The following COL25A1 variants were observed in gnomAD, a reference collection of about 807,000 sequenced individuals.
COL25A1 encodes collagen type XXV alpha 1 chain.
A neutral mutation model predicts 128.4 loss-of-function variants in COL25A1; 103 were observed. The ratio of observed to expected loss-of-function variants is 0.80; its 90% CI spans 0.68 to 0.94. COL25A1 has a LOEUF of 0.94. COL25A1 is among the 40% of genes least tolerant of loss of function. The pLI is 0.00. For missense variants in COL25A1, 745 were observed against 840.0 expected, an observed-to-expected ratio of 0.89 and a Z score of 1.40; for synonymous variants, 279 against 277.2, an observed-to-expected ratio of 1.01 and a Z score of -0.06.
chr4:108,974,396 GTA>G lies in COL25A1; in HGVS notation c.466-5_466-4del, dbSNP rs1304062187. On this transcript the variant is annotated splice_region_variant and splice_polypyrimidine_tract_variant and intron_variant, in intron 7 of 37. Transcript: ENST00000399132. ...GGTCCCTGATCACCTTGTTCTCCCT[GTA>G]GAATAGAAAGGTGAGATAACAGTTT... is the stretch of plus-strand genomic sequence containing the variant. The G allele has an allele frequency of 1.9e-6, 3 of 1,613,736 alleles. No individual in the cohort carries two copies. The Admixed American group carries it at 5.0e-5, about 27-fold the overall frequency.
Position 108,986,520 on chromosome 4 carries a change from G to T in COL25A1, c.439-11961C>A, listed in dbSNP as rs577787021. On this transcript the variant is annotated intron_variant, in intron 6 of 37. Transcript: ENST00000399132. ...GTTTAAATAAAACAGAGAACATAGG[G>T]GAACAAGTTAAATAATACCAAAAGG... Among the ~76,000 whole-genome samples, 8 of 152,202 alleles carry T rather than the reference G, an allele frequency of 5.3e-5. No individual in the cohort carries two copies. The South Asian group carries it at 1.7e-3, about 32-fold the overall frequency.
rs577179323 is a variant in COL25A1 at position 109,043,226 on chromosome 4, T to A, written c.420+4942A>T. On this transcript the variant is annotated intron_variant, in intron 5 of 37. Coordinates refer to ENST00000399132, the MANE Select transcript of COL25A1 (RefSeq NM_198721.4). The stretch of plus-strand genomic sequence containing the variant: ...CTGCTATAAATTGTAGTTATTAGTA[T>A]ATCAGGAAAAGACACAATTTGACTT... Among the ~76,000 whole-genome samples, 6 of 152,230 alleles carry A rather than the reference T, an allele frequency of 3.9e-5. No individual in the cohort carries two copies. The South Asian group carries it at 8.3e-4, about 21-fold the overall frequency.
intron 5 of COL25A1, among the ~76,000 whole-genome samples, 178 bp from the exon 6 acceptor site, chr4:109,010,553 A>C (rs1228613627): frequency 6.6e-6 from 1 of 152,198 alleles, no homozygotes; most frequent in Non-Finnish European, 1.5e-5. Flanking sequence ...TGCTAGTTTT[A>C]CTTTATGCTA....
chr4:109,243,799 T>C (rs769749688), intron 3 of COL25A1, among the ~76,000 whole-genome samples: 4 of 152,116 alleles, frequency 2.6e-5, no homozygotes, highest in Non-Finnish European at 5.9e-5. Flanking sequence ...TAGATTACCA[T>C]CTTCCTATAG....
At position 109,008,776 on chromosome 4, in the gene COL25A1, C is replaced by T. The variant is rs186292910; in HGVS notation, c.438+1582G>A. 5.8e-3 allele frequency among the ~76,000 whole-genome samples: 882 copies of T among 151,838 alleles called. 8 individuals are homozygous for T. The highest frequency in any genetic ancestry group is 0.02 in the African/African-American group (817 of 41,320). The stretch of plus-strand genomic sequence containing the variant: ...GCGCGCACACACACACACACACACA[C>T]GTAGGATAATAATACTTTCCAAGGC... On this transcript the variant is annotated intron_variant, in intron 6 of 37. Transcript: ENST00000399132.
chr4:109,213,064 C>T lies in COL25A1; in HGVS notation c.367+87519G>A, dbSNP rs1258548028. Among the ~76,000 whole-genome samples the T allele has an allele frequency of 2.6e-5, 4 of 152,036 alleles. No homozygotes were observed. In the East Asian group the frequency reaches 7.7e-4, roughly 29 times the overall value. On this transcript the variant is annotated intron_variant, in intron 3 of 37. Coordinates refer to ENST00000399132, the MANE Select transcript of COL25A1 (RefSeq NM_198721.4). ...AGACATGGGGATGACTTCAAGTGTACCACAAGGGATTCATGCATCAGTATG... is the reference window on the plus strand; with the variant it reads ...AGACATGGGGATGACTTCAAGTGTATCACAAGGGATTCATGCATCAGTATG...
chr4:108,968,718 C>T (rs2125982357), intron 8 of COL25A1, among the ~76,000 whole-genome samples: 1 of 152,272 alleles, frequency 6.6e-6, no homozygotes, highest in South Asian at 2.1e-4. Context: ...TAACAGTTAC[C>T]TCCAGTTATG....
chr4:108,878,165 G>T (rs548978699), intron 19 of COL25A1, among the ~76,000 whole-genome samples: 7 of 151,950 alleles, frequency 4.6e-5, no homozygotes, highest in Admixed American at 2.0e-4. Flanking sequence ...AAAATCTCTG[G>T]TTTTTTCATT....
chr4:108,896,593 A>G (rs1462543017), intron 16 of COL25A1, 74 bp downstream of exon 16: 1 of 1,272,314 alleles, frequency 7.9e-7, no homozygotes, highest in South Asian at 1.2e-5. Context: ...CTCTCTAAAA[A>G]TCCCCCATCT....
intron 3 of COL25A1, among the ~76,000 whole-genome samples, chr4:109,197,800 C>T (rs992019936): frequency 6.6e-6 from 1 of 151,640 alleles, no homozygotes; most frequent in Non-Finnish European, 1.5e-5. Flanking sequence ...TACAGATGGA[C>T]GGTGACTGAT....
rs574252563 is a variant in COL25A1, at chr4:109,268,546, C to T, written c.367+32037G>A. Among the ~76,000 whole-genome samples the T allele has an allele frequency of 2.0e-5, 3 of 152,208 alleles. No individual in the cohort carries two copies. The South Asian group carries it at 6.2e-4, about 32-fold the overall frequency. On this transcript the variant is annotated intron_variant, in intron 3 of 37. Transcript: ENST00000399132. ...TACCTTTCTGTTCCTGTACAATGAA[C>T]CTGTGTAAACCTTTTAAAAACAACA...
At chr4:108,959,659 TAC>T (rs1248988867) in intron 8 of COL25A1, among the ~76,000 whole-genome samples, 2 of 152,176 alleles carry the variant, frequency 1.3e-5, no homozygotes, top group Non-Finnish European at 2.9e-5. Flanking sequence ...TCTGGGTAGA[TAC>T]AATGACTCAA....
intron 11 of COL25A1, among the ~76,000 whole-genome samples, chr4:108,932,854 C>T (rs1187064895): frequency 6.6e-6 from 1 of 152,188 alleles, no homozygotes; most frequent in Admixed American, 6.5e-5. Flanking sequence ...GGATTCAGAA[C>T]TTGATCACTT....
chr4:108,832,577 T>C, intron 31 of COL25A1, 144 bp from the exon 32 acceptor site: 6 of 581,310 alleles, frequency 1.0e-5, no homozygotes. Context: ...TGCTTGATTA[T>C]TTCAGGCCAG....
chr4:109,238,667 G>GGTGT (rs1779627577), intron 3 of COL25A1, among the ~76,000 whole-genome samples: 4 of 152,106 alleles, frequency 2.6e-5, no homozygotes, highest in Admixed American at 2.6e-4. Context: ...GGAACTAGAA[G>GGTGT]GTGTGTGGTC....
At chr4:109,047,281 A>G (rs1024589211) in intron 5 of COL25A1, among the ~76,000 whole-genome samples, 1 of 152,208 alleles carries the variant, frequency 6.6e-6, no homozygotes, top group African/African-American at 2.4e-5. Context: ...TTGCTTGCAA[A>G]AGAAACCTCA....
At chr4:109,255,609 A>C (rs764951199) in intron 3 of COL25A1, among the ~76,000 whole-genome samples, 18 of 151,562 alleles carry the variant, frequency 1.2e-4, no homozygotes, top group Non-Finnish European at 2.2e-4. Flanking sequence ...TCATTCTAAC[A>C]ATCATTATTA....
rs1756999467 is a variant in COL25A1, at chr4:109,014,301, T to G, written c.421-3926A>C. ...TAGCCTCAGTTATAGAGTGACACTC[T>G]GTCTCAAAAAAAAAAAGTGTAAACA... On this transcript the variant is annotated intron_variant, in intron 5 of 37. Transcript: ENST00000399132. Among the ~76,000 whole-genome samples the G allele has an allele frequency of 4.4e-5, 5 of 114,738 alleles. No homozygotes were observed. In the Admixed American group the frequency reaches 4.8e-4, roughly 11 times the overall value. 75.3% of individuals were successfully genotyped at this position (114,738 alleles called of 152,430 possible). A position where few individuals can be genotyped will look rare whatever the true frequency, so the allele number is the denominator to read the frequency against.
intron 4 of COL25A1, 119 bp from the exon 5 acceptor site, chr4:109,048,294 T>G: frequency 1.1e-6 from 1 of 942,040 alleles, no homozygotes; most frequent in Non-Finnish European, 1.6e-6. Context: ...GACATGGAAG[T>G]TTTTTTAAAT....
Sources: gnomAD v4.1 joint callset for allele counts (sites outside exome capture counted in the v4.1 genomes callset) on GRCh38, gnomAD v4.1.1 for gene constraint, MANE v1.5 for transcripts, NCBI Gene and HGNC (gene_info 2026-07-23, HGNC 2026-07-21) for gene names.